PPP6R3: variants seen among roughly 807,000 people sequenced by gnomAD.
PPP6R3 encodes the protein serine/threonine-protein phosphatase 6 regulatory subunit 3.
A neutral mutation model predicts 110.7 loss-of-function variants in PPP6R3; 38 were observed. That is an observed-to-expected ratio of 0.34 (90% confidence interval 0.26 to 0.45). The LOEUF is 0.45. Among genes scored for constraint, PPP6R3 ranks in the 20% least tolerant of loss-of-function variants. PPP6R3 has a pLI of 1.00. For missense variants in PPP6R3, 870 were observed against 1,062.4 expected (o/e 0.82, Z 2.52); for synonymous variants, 369 against 373.5 (o/e 0.99, Z 0.14).
chr11:68,496,966 G>A lies in PPP6R3; in HGVS notation c.-157-22535G>A, dbSNP rs1413055691. Among the ~76,000 whole-genome samples, 46 of 139,922 alleles carry A rather than the reference G, an allele frequency of 3.3e-4. 1 individual carries two copies. Among genetic ancestry groups the A allele is most frequent in the Admixed American group, 2.8e-3 (36 of 12,658 alleles). 91.8% of individuals were successfully genotyped at this position (139,922 alleles called of 152,430 possible). On this transcript the variant is annotated intron_variant, in intron 1 of 23. Transcript: ENST00000393800. ...AAACTCCGCCTCCCAGGTTCACGCC[G>A]TTCTCTTGCTTCAACCTCGCGAGTA...
Position 68,513,588 on chromosome 11 carries a change from A to G in PPP6R3, c.-157-5913A>G, listed in dbSNP as rs1015148079. 5.3e-5 allele frequency among the ~76,000 whole-genome samples: 8 copies of G among 152,244 alleles called. No homozygotes were observed. In the East Asian group the frequency reaches 1.3e-3, roughly 26 times the overall value. On this transcript the variant is annotated intron_variant, in intron 1 of 23. Transcript: ENST00000393800. ...TACAAGTGCAACAGGTGTTTCGAAG[A>G]TCATAGACGTAGTGAAGACAGACAA... is the stretch of plus-strand genomic sequence containing the variant.
chr11:68,483,431 A>G (rs2098928169), intron 1 of PPP6R3, among the ~76,000 whole-genome samples: 1 of 152,208 alleles, frequency 6.6e-6, no homozygotes, highest in South Asian at 2.1e-4. Flanking sequence ...AGAATGGTGC[A>G]TTTGTTAGAG....
Position 68,594,499 on chromosome 11 carries a change from T to TA in PPP6R3, c.1917-1591dup, listed in dbSNP as rs201764831. 3.9e-3 allele frequency among the ~76,000 whole-genome samples: 594 copies of TA among 152,080 alleles called. 2 individuals are homozygous for TA. The highest frequency in any genetic ancestry group is 0.013 in the African/African-American group (558 of 41,492). On this transcript the variant is annotated intron_variant, in intron 18 of 23. Transcript: ENST00000393800. The stretch of plus-strand genomic sequence containing the variant: ...TAGGGAGACCCCATCTCTATTTTTT[T>TA]AAAAAAAGAAAAAATTTAAATATGT...
chr11:68,483,966 A>T (rs1017527481), intron 1 of PPP6R3, among the ~76,000 whole-genome samples: 2 of 152,180 alleles, frequency 1.3e-5, no homozygotes, highest in African/African-American at 4.8e-5. Context: ...AATGTCATAC[A>T]TTGTTTATGT....
At chr11:68,512,921 C>T (rs148880754) in intron 1 of PPP6R3, among the ~76,000 whole-genome samples, 3 of 152,246 alleles carry the variant, frequency 2.0e-5, no homozygotes, top group African/African-American at 4.8e-5. Context: ...CTCACTAATG[C>T]GTGAGTCTGA....
Position 68,537,586 on chromosome 11 carries a change from A to T in PPP6R3, c.-6-73A>T. 2.9e-6 allele frequency: 3 copies of T among 1,031,966 alleles called. No individual in the cohort carries two copies. The South Asian group carries it at 5.1e-5, about 18-fold the overall frequency. 63.9% of individuals were successfully genotyped at this position (1,031,966 alleles called of 1,614,324 possible). Reference sequence around the variant, plus strand: ...TTGGCATTTTAGATTGTAAAACTGAACTGAAATATGAATTATGGAAAATTA... The same window carrying T: ...TTGGCATTTTAGATTGTAAAACTGATCTGAAATATGAATTATGGAAAATTA... On this transcript the variant is annotated intron_variant, in intron 2 of 23. Transcript: ENST00000393800.
chr11:68,578,800 G>A (rs2099541852), intron 14 of PPP6R3, among the ~76,000 whole-genome samples: 1 of 152,174 alleles, frequency 6.6e-6, no homozygotes, highest in South Asian at 2.1e-4. Context: ...CCAAATACGT[G>A]CACAGCAGAT....
chr11:68,497,129 C>T (rs530787201), intron 1 of PPP6R3, among the ~76,000 whole-genome samples: 95 of 151,864 alleles, frequency 6.3e-4, no homozygotes, highest in African/African-American at 2.2e-3. Context: ...TCACTGCAAG[C>T]TCCGCCTCCC....
chr11:68,550,381 G>A (rs1054324629), intron 5 of PPP6R3, among the ~76,000 whole-genome samples: 2 of 152,134 alleles, frequency 1.3e-5, no homozygotes, highest in Admixed American at 6.5e-5. Flanking sequence ...CTTTTTATGA[G>A]CAGAGGAGGG....
rs972129905 is a variant in PPP6R3 at position 68,613,663 on chromosome 11, G to T, written c.*546G>T. ...AGTGATTTTGAATAAGAAATATTTG[G>T]TGTTCTTTTTATAACCAGTTTTTGA... On this transcript the variant is annotated 3_prime_UTR_variant, in exon 24 of 24. Coordinates refer to ENST00000393800, the MANE Select transcript of PPP6R3 (RefSeq NM_001164161.2). 2.1e-5 allele frequency: 21 copies of T among 984,856 alleles called. No homozygotes were observed. Among genetic ancestry groups the T allele is most frequent in the Non-Finnish European group, 2.4e-5 (20 of 829,172 alleles). The allele number at this position is 984,856 out of a possible 1,614,324, so 61.0% of individuals were successfully genotyped here. A position where few individuals can be genotyped will look rare whatever the true frequency, so the allele number is the denominator to read the frequency against.
At position 68,539,890 on chromosome 11, in the gene PPP6R3, C is replaced by T. The variant is rs558561681; in HGVS notation, c.227+1999C>T. ...TAAGATGGTGCCATCTGGTCAGAGC[C>T]ATGCAGGAATTAAGGGGGTTGCCAG... On this transcript the variant is annotated intron_variant, in intron 3 of 23. Coordinates refer to ENST00000393800, the MANE Select transcript of PPP6R3 (RefSeq NM_001164161.2). 2.2e-4 allele frequency among the ~76,000 whole-genome samples: 34 copies of T among 152,304 alleles called. No homozygotes were observed. In the South Asian group the frequency reaches 6.4e-3, roughly 29 times the overall value.
chr11:68,581,784 G>A (rs1054109683), intron 14 of PPP6R3, among the ~76,000 whole-genome samples: 4 of 152,230 alleles, frequency 2.6e-5, no homozygotes, highest in Admixed American at 2.6e-4. Context: ...GCCGTTCCTT[G>A]ATCACGGAAT....
chr11:68,509,246 GT>G (rs1384255240), intron 1 of PPP6R3, among the ~76,000 whole-genome samples: 1 of 152,128 alleles, frequency 6.6e-6, no homozygotes, highest in Non-Finnish European at 1.5e-5. Context: ...ACCCTCATCT[GT>G]TTGTGTTTAA....
chr11:68,499,444 T>G (rs2099036521), intron 1 of PPP6R3, among the ~76,000 whole-genome samples: 1 of 152,138 alleles, frequency 6.6e-6, no homozygotes, highest in South Asian at 2.1e-4. Flanking sequence ...TGGTGATAAC[T>G]TCCCACTGAG....
chr11:68,516,286 G>T (rs540565702), intron 1 of PPP6R3, among the ~76,000 whole-genome samples: 6 of 152,288 alleles, frequency 3.9e-5, no homozygotes, highest in African/African-American at 1.4e-4. Context: ...GCCACAAGTG[G>T]AAGTTTCCAC....
rs879811767 is a variant in PPP6R3 at position 68,514,548 on chromosome 11, C to T, written c.-157-4953C>T. ...TTTTATTGTGTAAAGTGACCTATGA[C>T]GTATTCTCTCATTTTTTTTATGTTT... On this transcript the variant is annotated intron_variant, in intron 1 of 23. Coordinates refer to ENST00000393800, the MANE Select transcript of PPP6R3 (RefSeq NM_001164161.2). Among the ~76,000 whole-genome samples, 18 of 152,104 alleles carry T rather than the reference C, an allele frequency of 1.2e-4. 1 individual carries two copies. Among genetic ancestry groups the T allele is most frequent in the Admixed American group, 7.2e-4 (11 of 15,262 alleles).
intron 1 of PPP6R3, among the ~76,000 whole-genome samples, chr11:68,498,059 T>C (rs1319961315): frequency 6.6e-6 from 1 of 152,210 alleles, no homozygotes; most frequent in Non-Finnish European, 1.5e-5. Flanking sequence ...CTTTTTCTAT[T>C]ATAAGCTCTT....
intron 1 of PPP6R3, among the ~76,000 whole-genome samples, chr11:68,515,491 C>T (rs1164117852): frequency 2.0e-5 from 3 of 152,262 alleles, no homozygotes; most frequent in African/African-American, 7.2e-5. Context: ...AAAAGTCATA[C>T]CAGCTCGGAA....
At chr11:68,539,811 A>G (rs534124661) in intron 3 of PPP6R3, among the ~76,000 whole-genome samples, 1 of 152,342 alleles carries the variant, frequency 6.6e-6, no homozygotes, top group South Asian at 2.1e-4. Flanking sequence ...GCATGACGAG[A>G]CAGGGACTGC....
Sources: gnomAD v4.1 joint callset for allele counts (sites outside exome capture counted in the v4.1 genomes callset) on GRCh38, gnomAD v4.1.1 for gene constraint, MANE v1.5 for transcripts, NCBI Gene and HGNC (gene_info 2026-07-23, HGNC 2026-07-21) for gene names.